NEDD4L: variants seen among roughly 807,000 people sequenced by gnomAD.
NEDD4L encodes the protein NEDD4 like E3 ubiquitin protein ligase.
NEDD4L carries 54 observed loss-of-function variants against 148.9 expected under a neutral mutation model. The ratio of observed to expected loss-of-function variants is 0.36; its 90% CI spans 0.29 to 0.45. NEDD4L has a LOEUF of 0.45. Ranked by LOEUF, NEDD4L falls within the 20% of genes least tolerant of loss-of-function variation. NEDD4L has a pLI of 1.00. For missense variants in NEDD4L, 856 were observed against 1,233.8 expected, an observed-to-expected ratio of 0.69 and a Z score of 4.59; for synonymous variants, 433 against 440.7, an observed-to-expected ratio of 0.98 and a Z score of 0.22.
At position 58,399,035 on chromosome 18, in the gene NEDD4L, C is replaced by CT. The variant is rs775341540; in HGVS notation, c.*2768dup. ...CTGAAGCTGTAGTTATTATGGGCCA[C>CT]TTACATGAGGCTGAGAAGTACGTGC... On this transcript the variant is annotated 3_prime_UTR_variant, in exon 31 of 31. Transcript: ENST00000400345. The CT allele has an allele frequency of 6.6e-6, 1 of 152,268 alleles. No homozygotes were observed. Among genetic ancestry groups the CT allele is most frequent in the Non-Finnish European group, 1.5e-5 (1 of 68,078 alleles). The allele number at this position is 152,268 out of a possible 1,614,324, so 9.4% of individuals were successfully genotyped here. A position where few individuals can be genotyped will look rare whatever the true frequency, so the allele number is the denominator to read the frequency against.
At chr18:58,394,128 C>T (rs900819425) in intron 30 of NEDD4L, among the ~76,000 whole-genome samples, 4 of 152,180 alleles carry the variant, frequency 2.6e-5, no homozygotes, top group Non-Finnish European at 5.9e-5. Context: ...AAGCCAGGTC[C>T]GTGTGTCCTG....
intron 5 of NEDD4L, among the ~76,000 whole-genome samples, chr18:58,277,112 A>G (rs555928769): frequency 8.5e-5 from 13 of 152,222 alleles, no homozygotes; most frequent in Non-Finnish European, 1.9e-4. Flanking sequence ...AGGGCCGAGG[A>G]AGAGGAGAAA....
rs2050748479 is a variant in NEDD4L at position 58,399,994 on chromosome 18, C to T, written c.*3725C>T. ...CCTGTATTTCTGAGAGTCTTGTACTCACCTCTGAAATTTAAAAACGTATAA... is the reference window on the plus strand; with the variant it reads ...CCTGTATTTCTGAGAGTCTTGTACTTACCTCTGAAATTTAAAAACGTATAA... On this transcript the variant is annotated 3_prime_UTR_variant, in exon 31 of 31. Coordinates refer to ENST00000400345, the MANE Select transcript of NEDD4L (RefSeq NM_001144967.3). 1 of 152,200 alleles carries T rather than the reference C, an allele frequency of 6.6e-6. No homozygotes were observed. Among genetic ancestry groups the T allele is most frequent in the South Asian group, 2.1e-4 (1 of 4,828 alleles). The allele number at this position is 152,200 out of a possible 1,614,324, so 9.4% of individuals were successfully genotyped here.
At chr18:58,245,674 C>CTTTTTT (rs57282316) in intron 3 of NEDD4L, among the ~76,000 whole-genome samples, 166 bp downstream of exon 3, 52 of 89,222 alleles carry the variant, frequency 5.8e-4, no homozygotes, top group Middle Eastern at 8.1e-3. Flanking sequence ...CACTTTTTCT[C>CTTTTTT]TTTTTTTTTT....
rs529407468 is a variant in NEDD4L at position 58,092,658 on chromosome 18, A to G, written c.48+47950A>G. 3.9e-5 allele frequency among the ~76,000 whole-genome samples: 6 copies of G among 152,030 alleles called. No homozygotes were observed. In the East Asian group the frequency reaches 1.2e-3, roughly 29 times the overall value. On this transcript the variant is annotated intron_variant, in intron 1 of 30. Coordinates refer to ENST00000400345, the MANE Select transcript of NEDD4L (RefSeq NM_001144967.3). ...TCAGCACAGCTCTGCACCTGCTCTTATGGAGGAGAAGACAAGCAGAAGAGA... is the reference window on the plus strand; with the variant it reads ...TCAGCACAGCTCTGCACCTGCTCTTGTGGAGGAGAAGACAAGCAGAAGAGA...
In NEDD4L at chr18:58,366,825, C is replaced by T. The variant is rs2046169700; in HGVS notation, c.2063+597C>T. Among the ~76,000 whole-genome samples the T allele has an allele frequency of 6.6e-6, 1 of 152,236 alleles. No individual in the cohort carries two copies. The highest frequency in any genetic ancestry group is 6.5e-5 in the Admixed American group (1 of 15,288). On this transcript the variant is annotated intron_variant, in intron 21 of 30. Transcript: ENST00000400345. This position sits in a 1 kb window ranked among gnomAD's most constrained non-coding sequence, Gnocchi z 4.2. ...CTCCAAGGGTTGGGCAGTACCCAAG[C>T]CCCCAGTAGAATAGTCATTGACCTT...
intron 2 of NEDD4L, among the ~76,000 whole-genome samples, chr18:58,231,255 A>C (rs1418127495): frequency 6.6e-6 from 1 of 150,888 alleles, no homozygotes; most frequent in East Asian, 1.9e-4. Context: ...AAAAAAAAAA[A>C]AAAAAGAACA....
intron 5 of NEDD4L, among the ~76,000 whole-genome samples, chr18:58,273,422 T>C (rs2051373495): frequency 6.6e-6 from 1 of 152,222 alleles, no homozygotes; most frequent in Non-Finnish European, 1.5e-5. Flanking sequence ...TCGTTGTTAC[T>C]CTTACAAATG....
At chr18:58,334,006 G>C (rs2041383614) in intron 12 of NEDD4L, 114 bp downstream of exon 12, 1 of 616,146 alleles carries the variant, frequency 1.6e-6, no homozygotes, top group Non-Finnish European at 2.6e-6. Flanking sequence ...ATATAAATGA[G>C]ATGTTTTTAA....
chr18:58,253,456 A>C (rs559873469), intron 5 of NEDD4L, among the ~76,000 whole-genome samples: 86 of 152,334 alleles, frequency 5.6e-4, no homozygotes, highest in Non-Finnish European at 9.9e-4. Context: ...GTGTAACTAA[A>C]CCACTTTTGT....
At chr18:58,143,392 T>A (rs1371296118) in intron 1 of NEDD4L, among the ~76,000 whole-genome samples, 1 of 152,222 alleles carries the variant, frequency 6.6e-6, no homozygotes, top group African/African-American at 2.4e-5. Context: ...TCTGTAGTAT[T>A]CCTAGACATT....
intron 2 of NEDD4L, among the ~76,000 whole-genome samples, chr18:58,222,594 A>T (rs2043890660): frequency 6.6e-6 from 1 of 152,160 alleles, no homozygotes; most frequent in African/African-American, 2.4e-5. Flanking sequence ...ATAAACTGTT[A>T]GTTAACTGGT....
intron 2 of NEDD4L, among the ~76,000 whole-genome samples, chr18:58,171,593 A>AATCTT (rs1391698561): frequency 6.6e-6 from 1 of 152,258 alleles, no homozygotes; most frequent in African/African-American, 2.4e-5. Flanking sequence ...CAGGTCCAGA[A>AATCTT]ATCTTGGCAC....
intron 2 of NEDD4L, among the ~76,000 whole-genome samples, chr18:58,235,093 C>T (rs924585530): frequency 1.3e-5 from 2 of 151,732 alleles, no homozygotes; most frequent in East Asian, 1.9e-4. Flanking sequence ...AAAGATTGTA[C>T]GGGAAGGGCT....
intron 1 of NEDD4L, among the ~76,000 whole-genome samples, chr18:58,140,828 T>G (rs1375935019): frequency 1.3e-5 from 2 of 152,236 alleles, no homozygotes; most frequent in Admixed American, 6.5e-5. Context: ...AGTGGCCTTG[T>G]GGCATTTGCT....
chr18:58,266,943 A>G (rs921821575), intron 5 of NEDD4L, among the ~76,000 whole-genome samples: 1 of 152,090 alleles, frequency 6.6e-6, no homozygotes, highest in African/African-American at 2.4e-5. Flanking sequence ...TATGAAGAAC[A>G]GATAGAAATG....
At chr18:58,162,452 G>A (rs989558662) in intron 1 of NEDD4L, among the ~76,000 whole-genome samples, 3 of 151,746 alleles carry the variant, frequency 2.0e-5, no homozygotes, top group Non-Finnish European at 1.5e-5. Flanking sequence ...GTGTCTTTTC[G>A]CCAAAGAAGC....
intron 2 of NEDD4L, among the ~76,000 whole-genome samples, chr18:58,206,008 T>G (rs375581674): frequency 7.9e-5 from 12 of 152,338 alleles, no homozygotes; most frequent in South Asian, 4.1e-4. Flanking sequence ...AATGGCTTCC[T>G]TAATTCCTTT....
chr18:58,114,748 T>C (rs192259722), intron 1 of NEDD4L, among the ~76,000 whole-genome samples: 4 of 152,328 alleles, frequency 2.6e-5, no homozygotes, highest in Admixed American at 2.6e-4. Flanking sequence ...TCCCGGAGGC[T>C]CTAGGAGAGG....
Sources: gnomAD v4.1 joint callset for allele counts (sites outside exome capture counted in the v4.1 genomes callset) on GRCh38, gnomAD v4.1.1 for gene constraint, Gnocchi (gnomAD v3.1) non-coding constraint, MANE v1.5 for transcripts, NCBI Gene and HGNC (gene_info 2026-07-23, HGNC 2026-07-21) for gene names.